Variants in MAPK7 observed in about 807,000 individuals in gnomAD.
The protein encoded by MAPK7 is mitogen-activated protein kinase 7.
A neutral mutation model predicts 56.9 loss-of-function variants in MAPK7; 30 were observed. The ratio of observed to expected loss-of-function variants is 0.53; its 90% CI spans 0.39 to 0.72. The LOEUF (loss-of-function observed/expected upper bound fraction) is 0.72, where lower values mean the gene tolerates loss of function less well. MAPK7 is among the 30% of genes least tolerant of loss of function. The pLI is 0.00. For missense variants in MAPK7, 952 were observed against 1,110.8 expected, an observed-to-expected ratio of 0.86 and a Z score of 2.03; for synonymous variants, 516 against 449.3, an observed-to-expected ratio of 1.15 and a Z score of -1.88.
chr17:19,383,095 C>G lies in MAPK7; in HGVS notation c.2315C>G (p.Ser772Cys). 1.2e-6 allele frequency: 2 copies of G among 1,614,170 alleles called. No homozygotes were observed. Among genetic ancestry groups the G allele is most frequent in the African/African-American group, 1.3e-5 (1 of 75,066 alleles). Residue 772 changes from serine to cysteine, a missense_variant, in exon 7 of 7, where the codon TCT (serine) becomes TGT (cysteine). Around this residue, in one of 5 missense-constraint regions of MAPK7, gnomAD observed 73 missense variants for 104.6 expected, o/e 0.70. Transcript: ENST00000395604. ...CCCTGCAGCCAGGCAGATTCAGCCT[C>G]TCTCTCAGCCTCCCTGCTTGCTGAC... is the stretch of plus-strand genomic sequence containing the variant. Reference protein sequence around the residue: ...GPQDGQADSASLSASLLADWL... With the variant: ...GPQDGQADSACLSASLLADWL...
chr17:19,380,949 C>T lies in MAPK7; in HGVS notation c.740C>T (p.Ser247Phe). ...HEYTQAIDLW[S>F]VGCIFGEMLA... ...TATACACAGGCTATTGACCTCTGGT[C>T]TGTGGGCTGCATCTTTGGTGAGATG... Residue 247 changes from serine to phenylalanine, a missense_variant, in exon 4 of 7, where the codon TCT becomes TTT. Physicochemically the swap from Ser to Phe is radical, Grantham distance 155. Transcript: ENST00000395604. 6.2e-7 allele frequency: 1 copy of T among 1,614,210 alleles called. No individual in the cohort carries two copies. Among genetic ancestry groups the T allele is most frequent in the Non-Finnish European group, 8.5e-7 (1 of 1,180,052 alleles).
Position 19,381,649 on chromosome 17 carries a change from A to G in MAPK7, c.1440A>G (p.Lys480=). 1.2e-6 allele frequency: 2 copies of G among 1,609,054 alleles called. No individual in the cohort carries two copies. Among genetic ancestry groups the G allele is most frequent in the African/African-American group, 1.3e-5 (1 of 74,988 alleles). ...CAGACAATACTAAGGCTGCCCTTAA[A>G]GCTGCCCTGCTCAAGTCTTTGAGGA... ...AISDNTKAAL[K]AALLKSLRSR... is the part of the protein sequence containing the mutation. Residue 480 remains lysine, a synonymous_variant, in exon 4 of 7, where the codon AAA becomes AAG. Transcript: ENST00000395604. This position sits in a 1 kb window ranked among gnomAD's most constrained non-coding sequence, Gnocchi z 4.6.
chr17:19,379,281 C>T lies in MAPK7; in HGVS notation c.232+149C>T, dbSNP rs528247418. 5.6e-6 allele frequency: 4 copies of T among 712,910 alleles called. No homozygotes were observed. In the East Asian group the frequency reaches 8.2e-5, roughly 15 times the overall value. 44.2% of individuals were successfully genotyped at this position (712,910 alleles called of 1,614,324 possible). The stretch of plus-strand genomic sequence containing the variant: ...ACCAGGGCCTTCTGCCTGCCAGGCT[C>T]CGGGGAGGCTCGGTTCTCTGAAACT... On this transcript the variant is annotated intron_variant, in intron 2 of 6. Transcript: ENST00000395604.
chr17:19,378,495 G>T, upstream of MAPK7: 2 of 1,063,316 alleles, frequency 1.9e-6, no homozygotes, highest in Non-Finnish European at 1.1e-6. This position sits in a 1 kb window ranked among gnomAD's most constrained non-coding sequence, Gnocchi z 5.4. Context: ...GAGGGGGACG[G>T]ACAGGGCAGC....
chr17:19,378,140 TC>T (rs1184849661), upstream of MAPK7: 2 of 977,570 alleles, frequency 2.0e-6, no homozygotes, highest in Non-Finnish European at 2.4e-6. The surrounding 1 kb of genome is among the most constrained non-coding windows in gnomAD (Gnocchi z 5.4). Flanking sequence ...GCCGGGCAGT[TC>T]CCCGAGCTCA....
rs749248739 is a variant in MAPK7, at chr17:19,379,833, A to G, written c.284A>G (p.Asn95Ser). 4 of 1,614,252 alleles carry G rather than the reference A, an allele frequency of 2.5e-6. No individual in the cohort carries two copies. The South Asian group carries it at 4.4e-5, about 18-fold the overall frequency. Residue 95 changes from asparagine to serine, a missense_variant, in exon 3 of 7, where the codon AAT becomes AGT. Physicochemically the swap from Asn to Ser is conservative, Grantham distance 46 (BLOSUM62 1). Transcript: ENST00000395604. Reference protein sequence around the residue: ...KIPNAFDVVTNAKRTLRELKI... With the variant: ...KIPNAFDVVTSAKRTLRELKI... ...CCTAATGCTTTCGATGTGGTGACCA[A>G]TGCCAAGCGGACCCTCAGGGAGCTG...
chr17:19,380,604 C>G lies in MAPK7; in HGVS notation c.399-4C>G. ...CATGCTTCTCTCCTTCCTTCCCCTTCCAGCTACGTGGTCCTGGACCTGATG... is the reference window on the plus strand; with the variant it reads ...CATGCTTCTCTCCTTCCTTCCCCTTGCAGCTACGTGGTCCTGGACCTGATG... On this transcript the variant is annotated splice_polypyrimidine_tract_variant and splice_region_variant and intron_variant, in intron 3 of 6. Coordinates refer to ENST00000395604, the MANE Select transcript of MAPK7 (RefSeq NM_002749.4). 6.3e-7 allele frequency: 1 copy of G among 1,586,514 alleles called. No individual in the cohort carries two copies. The highest frequency in any genetic ancestry group is 8.6e-7 in the Non-Finnish European group (1 of 1,161,508).
chr17:19,378,170 G>A, upstream of MAPK7: 3 of 980,612 alleles, frequency 3.1e-6, no homozygotes, highest in Non-Finnish European at 3.6e-6. This position sits in a 1 kb window ranked among gnomAD's most constrained non-coding sequence, Gnocchi z 5.4. Flanking sequence ...GCTGTGATTG[G>A]CCGGATGAGG....
At chr17:19,380,106 A>G (rs544583855) in intron 3 of MAPK7, 159 bp downstream of exon 3, 2 of 731,960 alleles carry the variant, frequency 2.7e-6, no homozygotes, top group Admixed American at 2.9e-5. Flanking sequence ...GCCAGGGACA[A>G]CTGTTATTCC....
chr17:19,380,203 C>T (rs1483062712), intron 3 of MAPK7: 5 of 534,422 alleles, frequency 9.4e-6, no homozygotes, highest in South Asian at 2.5e-5. Flanking sequence ...ATGACCACAC[C>T]CTCCTATTCC....
upstream of MAPK7, chr17:19,378,301 G>C: frequency 1.0e-6 from 1 of 987,432 alleles, no homozygotes; most frequent in South Asian, 4.6e-5. The surrounding 1 kb of genome is among the most constrained non-coding windows in gnomAD (Gnocchi z 5.4). Flanking sequence ...ACACCCCTGC[G>C]AAGTGCCGGG....
At chr17:19,379,396 C>T (rs928392981) in intron 2 of MAPK7, 15 of 574,106 alleles carry the variant, frequency 2.6e-5, no homozygotes, top group African/African-American at 9.4e-5. Context: ...GCCAGTCCTT[C>T]GTGTCTAAGA....
rs1477515612 is a variant in MAPK7, at chr17:19,383,541, C to G, written c.*310C>G. On this transcript the variant is annotated 3_prime_UTR_variant, in exon 7 of 7. Transcript: ENST00000395604. ...TGAAATACAAGGTTCCCTTCTGCAC[C>G]TGACTCCAGGTGTAATTTTTGGAGT... 1 of 198,306 alleles carries G rather than the reference C, an allele frequency of 5.0e-6. No individual in the cohort carries two copies. Among genetic ancestry groups the G allele is most frequent in the South Asian group, 1.7e-4 (1 of 5,748 alleles). The allele number at this position is 198,306 out of a possible 1,614,324, so 12.3% of individuals were successfully genotyped here.
chr17:19,379,000 G>T lies in MAPK7; in HGVS notation c.100G>T (p.Ala34Ser). 1.2e-6 allele frequency: 2 copies of T among 1,612,876 alleles called. No individual in the cohort carries two copies. The highest frequency in any genetic ancestry group is 1.7e-6 in the Non-Finnish European group (2 of 1,179,576). The part of the protein sequence containing the change: ...EPAHTAASVA[A>S]KNLALLKARS... ...CGCCCACACCGCTGCCTCTGTAGCG[G>T]CCAAGAACCTGGCCCTGCTTAAAGC... Residue 34 changes from alanine (A) to serine (S), a missense_variant, in exon 2 of 7, where the codon GCC becomes TCC. Ala to Ser is a moderately conservative substitution (Grantham distance 99). Around this residue, in one of 5 missense-constraint regions of MAPK7, gnomAD observed 213 missense variants for 243.2 expected, o/e 0.88. Transcript: ENST00000395604. The surrounding 1 kb of genome is among the most constrained non-coding windows in gnomAD (Gnocchi z 5.4).
At chr17:19,382,753 T>G (rs1912830682) in intron 5 of MAPK7, 60 bp from the exon 6 acceptor site, 1 of 1,589,118 alleles carries the variant, frequency 6.3e-7, no homozygotes, top group African/African-American at 1.3e-5. Flanking sequence ...TCAGCAGCAT[T>G]GGGACAGGGT....
Position 19,382,185 on chromosome 17 carries a change from G to T in MAPK7, c.1882G>T (p.Val628Leu), listed in dbSNP as rs774843228. The stretch of plus-strand genomic sequence containing the variant: ...ATCTGCGGGCTCTACCTCTGGCCCT[G>T]TACCCCAGCCTGCCTGCCCACCCCC... ...PQSAGSTSGP[V>L]PQPACPPPGP... The change falls in exon 5 of 7, where the codon GTA (valine) becomes TTA (leucine). Residue 628 changes from valine to leucine, a missense_variant. Val to Leu is a conservative substitution (Grantham distance 32). Coordinates refer to ENST00000395604, the MANE Select transcript of MAPK7 (RefSeq NM_002749.4). 6.2e-7 allele frequency: 1 copy of T among 1,612,128 alleles called. No homozygotes were observed. Among genetic ancestry groups the T allele is most frequent in the South Asian group, 1.1e-5 (1 of 91,046 alleles).
At chr17:19,379,526 C>T in intron 2 of MAPK7, 1 of 566,968 alleles carries the variant, frequency 1.8e-6, no homozygotes, top group South Asian at 2.2e-5. Context: ...ATCCGTGCAA[C>T]CTCCAACAAG....
chr17:19,377,991 C>A, upstream of MAPK7: 1 of 985,346 alleles, frequency 1.0e-6, no homozygotes, highest in Non-Finnish European at 1.2e-6. Context: ...TGTGGTTGGC[C>A]GTGACGGGCA....
In MAPK7 at chr17:19,378,913, C is replaced by G; in HGVS notation, c.13C>G (p.Leu5Val). The change falls in exon 2 of 7, where the codon CTG (leucine) becomes GTG (valine). Residue 5 changes from leucine to valine, a missense_variant. By Grantham distance (32) the Leu-to-Val change is conservative (BLOSUM62 1). This residue lies in a region of MAPK7 where 213 missense variants were observed against 243.2 expected (regional missense o/e 0.88). Coordinates refer to ENST00000395604, the MANE Select transcript of MAPK7 (RefSeq NM_002749.4). The surrounding 1 kb of genome is among the most constrained non-coding windows in gnomAD (Gnocchi z 5.4). MAEPLKEEDGEDGSA... is the reference protein window; with the variant it reads MAEPVKEEDGEDGSA... ...CCACACAGACACCATGGCCGAGCCT[C>G]TGAAGGAGGAAGACGGCGAGGACGG... The G allele has an allele frequency of 6.4e-7, 1 of 1,572,634 alleles. No homozygotes were observed. The highest frequency in any genetic ancestry group is 1.3e-5 in the African/African-American group (1 of 74,198).
Sources: allele counts gnomAD v4.1 joint callset, GRCh38; gene constraint gnomAD v4.1.1; regional missense constraint gnomAD v4.1.1; non-coding constraint Gnocchi (gnomAD v3.1); transcripts MANE v1.5; gene names NCBI Gene and HGNC (gene_info 2026-07-23, HGNC 2026-07-21).